PPHLN1: variants seen among roughly 807,000 people sequenced by gnomAD.
The protein encoded by PPHLN1 is periphilin 1.
Under a neutral mutation model 51.3 loss-of-function variants are expected in PPHLN1, and 29 were observed. That is an observed-to-expected ratio of 0.57 (90% CI 0.42 to 0.77). The LOEUF is 0.77. Ranked by LOEUF, PPHLN1 falls within the 30% of genes least tolerant of loss-of-function variation. PPHLN1 has a pLI of 0.00. For missense variants in PPHLN1, 436 were observed against 438.4 expected, an observed-to-expected ratio of 0.99 and a Z score of 0.05; for synonymous variants, 147 against 147.8, an observed-to-expected ratio of 0.99 and a Z score of 0.04.
chr12:42,351,863 T>C (rs777980019), intron 2 of PPHLN1, 22 bp from the exon 3 acceptor site: 1 of 1,534,148 alleles, frequency 6.5e-7, no homozygotes, highest in African/African-American at 1.4e-5. Context: ...CATTTGTATA[T>C]ATTTCTTTTT....
intron 4 of PPHLN1, among the ~76,000 whole-genome samples, chr12:42,372,755 TA>T (rs1224001257): frequency 6.6e-6 from 1 of 152,194 alleles, no homozygotes; most frequent in Non-Finnish European, 1.5e-5. Context: ...TTGAGACTAG[TA>T]TCTTTAGTTG....
chr12:42,428,197 G>A (rs2081670239), intron 9 of PPHLN1, among the ~76,000 whole-genome samples: 1 of 152,188 alleles, frequency 6.6e-6, no homozygotes, highest in Non-Finnish European at 1.5e-5. Flanking sequence ...GGAAAACGGT[G>A]TGGAGATTCC....
At chr12:42,438,801 A>G (rs766524837) in intron 9 of PPHLN1, among the ~76,000 whole-genome samples, 2 of 152,030 alleles carry the variant, frequency 1.3e-5, no homozygotes, top group Non-Finnish European at 2.9e-5. Flanking sequence ...TGGGGGTTTC[A>G]TCATATTGGT....
At chr12:42,409,175 C>G (rs549142313) in intron 9 of PPHLN1, among the ~76,000 whole-genome samples, 1 of 152,140 alleles carries the variant, frequency 6.6e-6, no homozygotes, top group South Asian at 2.1e-4. Context: ...CTATGGAAAG[C>G]AAAACTGCTG....
At chr12:42,426,771 G>C in intron 9 of PPHLN1, among the ~76,000 whole-genome samples, 1 of 152,264 alleles carries the variant, frequency 6.6e-6, no homozygotes, top group South Asian at 2.1e-4. Context: ...TCCCTGAATT[G>C]AGAACTCAAC....
intron 4 of PPHLN1, among the ~76,000 whole-genome samples, chr12:42,374,254 A>G (rs1335318078): frequency 6.6e-6 from 1 of 152,166 alleles, no homozygotes; most frequent in Non-Finnish European, 1.5e-5. Context: ...AAACTATATG[A>G]CAGTATGTTT....
At chr12:42,352,451 C>T (rs1276503897) in intron 3 of PPHLN1, among the ~76,000 whole-genome samples, 2 of 151,412 alleles carry the variant, frequency 1.3e-5, no homozygotes, top group Non-Finnish European at 2.9e-5. Context: ...ACTCTGTCCC[C>T]CAGGTTGGGG....
chr12:42,392,220 C>T (rs552879296), intron 7 of PPHLN1, among the ~76,000 whole-genome samples: 2 of 152,020 alleles, frequency 1.3e-5, no homozygotes, highest in East Asian at 1.9e-4. Flanking sequence ...CATTCCCCCT[C>T]GCCCCTCCCA....
rs899866417 is a variant in PPHLN1, at chr12:42,378,139, T to A, written c.511+3065T>A. Reference sequence around the variant, plus strand: ...TTCTTTCTTTCTTTCTTTCTTTCTTTCTTTCTTTCTTTCAAGTTATTTAGC... The same window carrying A: ...TTCTTTCTTTCTTTCTTTCTTTCTTACTTTCTTTCTTTCAAGTTATTTAGC... On this transcript the variant is annotated intron_variant, in intron 5 of 9. Transcript: ENST00000358314. 5.1e-5 allele frequency among the ~76,000 whole-genome samples: 7 copies of A among 136,704 alleles called. No individual in the cohort carries two copies. The East Asian group carries it at 1.2e-3, about 24-fold the overall frequency. The allele number at this position is 136,704 out of a possible 152,430, so 89.7% of individuals were successfully genotyped here. A position where few individuals can be genotyped will look rare whatever the true frequency, so the allele number is the denominator to read the frequency against.
intron 9 of PPHLN1, among the ~76,000 whole-genome samples, chr12:42,409,257 A>T (rs1256886028): frequency 6.6e-6 from 1 of 152,214 alleles, no homozygotes; most frequent in Non-Finnish European, 1.5e-5. Flanking sequence ...ACCAAAAAAA[A>T]TGGACAACTC....
intron 6 of PPHLN1, chr12:42,386,931 C>G (rs1384528669): frequency 6.6e-6 from 1 of 152,216 alleles, no homozygotes; most frequent in African/African-American, 2.4e-5. Context: ...TTTGGGCATT[C>G]ATTAATGCCA....
chr12:42,441,587 T>C lies in PPHLN1; in HGVS notation c.*78T>C. On this transcript the variant is annotated 3_prime_UTR_variant, in exon 10 of 10. Coordinates refer to ENST00000358314, the MANE Select transcript of PPHLN1 (RefSeq NM_201439.2). ...TCCTGGATTGTGTAAATCCTTAATA[T>C]ATGGAATTTTTGTGATGCAGAGAAA... 2 of 1,387,570 alleles carry C rather than the reference T, an allele frequency of 1.4e-6. No individual in the cohort carries two copies. Among genetic ancestry groups the C allele is most frequent in the Non-Finnish European group, 9.4e-7 (1 of 1,067,902 alleles). 86.0% of individuals were successfully genotyped at this position (1,387,570 alleles called of 1,614,324 possible).
chr12:42,379,862 T>G (rs1429693462), intron 5 of PPHLN1, among the ~76,000 whole-genome samples: 1 of 152,082 alleles, frequency 6.6e-6, no homozygotes, highest in Non-Finnish European at 1.5e-5. Flanking sequence ...ATGCTGGATG[T>G]GTTTTGTATC....
At chr12:42,326,585 ATGTTTTGTTT>A (rs1197244331) in intron 1 of PPHLN1, among the ~76,000 whole-genome samples, 9 of 152,034 alleles carry the variant, frequency 5.9e-5, no homozygotes, top group Admixed American at 4.6e-4. Context: ...CAGACCTTTT[ATGTTTTGTTT>A]TGTTTTGTTT....
chr12:42,358,942 G>C (rs1565816432), intron 4 of PPHLN1, among the ~76,000 whole-genome samples: 2 of 151,912 alleles, frequency 1.3e-5, no homozygotes, highest in Admixed American at 1.3e-4. Context: ...TGCTAAAAAT[G>C]GTTTAACATG....
At chr12:42,433,142 A>G (rs2082186375) in intron 9 of PPHLN1, 6 of 773,448 alleles carry the variant, frequency 7.8e-6, no homozygotes, top group Admixed American at 6.9e-5. Flanking sequence ...CGTCACAAGC[A>G]GTATATTCAA....
chr12:42,364,223 T>C (rs1406700828), intron 4 of PPHLN1, among the ~76,000 whole-genome samples: 3 of 152,114 alleles, frequency 2.0e-5, no homozygotes, highest in Non-Finnish European at 4.4e-5. Flanking sequence ...AAACTCTGTC[T>C]CAAAATAAAA....
At chr12:42,346,219 T>TA (rs1354234387) in intron 2 of PPHLN1, among the ~76,000 whole-genome samples, 2 of 152,206 alleles carry the variant, frequency 1.3e-5, no homozygotes, top group East Asian at 1.9e-4. Flanking sequence ...TTCCTTGACT[T>TA]ACCATTCCCC....
downstream of PPHLN1, chr12:42,447,831 G>A (rs547175170): frequency 8.2e-4 from 125 of 152,154 alleles, 1 homozygote; most frequent in African/African-American, 2.4e-3. Flanking sequence ...GTGCCATTCC[G>A]CAAATTTAAA....
Sources: gnomAD v4.1 joint callset for allele counts (sites outside exome capture counted in the v4.1 genomes callset) on GRCh38, gnomAD v4.1.1 for gene constraint, MANE v1.5 for transcripts, NCBI Gene and HGNC (gene_info 2026-07-23, HGNC 2026-07-21) for gene names.